FNDC3B: variants seen among roughly 807,000 people sequenced by gnomAD.
FNDC3B encodes fibronectin type III domain-containing protein 3B.
A neutral mutation model predicts 151.5 loss-of-function variants in FNDC3B; 12 were observed. The observed-to-expected ratio is 0.08, with a 90% CI of 0.05 to 0.13. The LOEUF (loss-of-function observed/expected upper bound fraction) is 0.13. FNDC3B is among the 10% of genes least tolerant of loss of function. The probability of loss-of-function intolerance (pLI) is 1.00; values close to 1 mark genes in which losing one functional copy is unlikely to be tolerated. For synonymous variants in FNDC3B, 528 were observed against 549.0 expected, an observed-to-expected ratio of 0.96 and a Z score of 0.54; for missense variants, 1,214 against 1,505.3, an observed-to-expected ratio of 0.81 and a Z score of 3.20.
rs191010132 is a variant in FNDC3B, at chr3:172,060,870, A to G, written c.-29+21099A>G. On this transcript the variant is annotated intron_variant, in intron 1 of 25. Transcript: ENST00000415807. ...ACATGTTCTAATTATAATTCTTACT[A>G]TTGGAGGCATATGGAACTTTCAATC... 1.1e-4 allele frequency among the ~76,000 whole-genome samples: 16 copies of G among 152,350 alleles called. No homozygotes were observed. The East Asian group carries it at 2.3e-3, about 22-fold the overall frequency.
At chr3:172,278,601 C>T (rs565655352) in intron 6 of FNDC3B, among the ~76,000 whole-genome samples, 1 of 152,166 alleles carries the variant, frequency 6.6e-6, no homozygotes, top group Non-Finnish European at 1.5e-5. Flanking sequence ...TGTGGGTTTG[C>T]ATCCCTGTAC....
chr3:172,231,974 G>C (rs1484317316), intron 4 of FNDC3B, among the ~76,000 whole-genome samples: 3 of 145,378 alleles, frequency 2.1e-5, no homozygotes, highest in Non-Finnish European at 3.0e-5. Context: ...TCTGCCTCCT[G>C]GGTTCAAGCA....
chr3:172,343,625 A>C (rs1047443872), intron 18 of FNDC3B, among the ~76,000 whole-genome samples: 10 of 152,222 alleles, frequency 6.6e-5, no homozygotes, highest in African/African-American at 2.4e-4. Context: ...GCAGTTTACA[A>C]CATGTATAAT....
At chr3:172,320,047 T>G (rs1023060258) in intron 11 of FNDC3B, among the ~76,000 whole-genome samples, 2 of 152,048 alleles carry the variant, frequency 1.3e-5, no homozygotes, top group Admixed American at 1.3e-4. Context: ...TCAAACCTGG[T>G]AAGAGCAGCT....
intron 11 of FNDC3B, among the ~76,000 whole-genome samples, chr3:172,319,596 G>A (rs750598429): frequency 1.2e-4 from 18 of 152,198 alleles, no homozygotes; most frequent in Non-Finnish European, 2.2e-4. Flanking sequence ...CTCTGTGCCA[G>A]AGCGTGCAAT....
chr3:172,367,097 C>A (rs1236550063), intron 23 of FNDC3B, among the ~76,000 whole-genome samples: 1 of 152,086 alleles, frequency 6.6e-6, no homozygotes, highest in African/African-American at 2.4e-5. Context: ...AGGATTCTAC[C>A]CCCCTGGGAT....
At chr3:172,285,000 C>T (rs1729936208) in intron 6 of FNDC3B, among the ~76,000 whole-genome samples, 1 of 151,954 alleles carries the variant, frequency 6.6e-6, no homozygotes, top group Non-Finnish European at 1.5e-5. Context: ...TATCACTTAT[C>T]TTTTTTTGTA....
intron 7 of FNDC3B, among the ~76,000 whole-genome samples, chr3:172,290,601 C>T (rs1269535041): frequency 3.3e-5 from 5 of 152,040 alleles, no homozygotes; most frequent in Admixed American, 1.3e-4. Flanking sequence ...TGTTTCCATC[C>T]GCGAATGTTT....
chr3:172,360,288 C>T (rs1734300069), intron 22 of FNDC3B, among the ~76,000 whole-genome samples: 1 of 152,104 alleles, frequency 6.6e-6, no homozygotes, highest in South Asian at 2.1e-4. Flanking sequence ...AGTCTTCCGC[C>T]CATTTTTAAT....
chr3:172,299,690 C>T (rs1031389014), intron 9 of FNDC3B, among the ~76,000 whole-genome samples: 8 of 151,636 alleles, frequency 5.3e-5, no homozygotes, highest in African/African-American at 1.9e-4. Flanking sequence ...AAATATACAT[C>T]TATTACTATA....
chr3:172,366,752 A>G (rs1305606136), intron 23 of FNDC3B, among the ~76,000 whole-genome samples: 3 of 152,184 alleles, frequency 2.0e-5, no homozygotes, highest in African/African-American at 4.8e-5. Context: ...TCAAATGAAC[A>G]CTTCTTAGAA....
Position 172,169,020 on chromosome 3 carries a change from C to T in FNDC3B, c.187+35474C>T, listed in dbSNP as rs571911328. On this transcript the variant is annotated intron_variant, in intron 3 of 25. Coordinates refer to ENST00000415807, the MANE Select transcript of FNDC3B (RefSeq NM_022763.4). Reference sequence around the variant, plus strand: ...GAGCCACTGTGCCCAGCTTGGCTCACTGTTGTAAGAGCTAAGCTAGATTGC... The same window carrying T: ...GAGCCACTGTGCCCAGCTTGGCTCATTGTTGTAAGAGCTAAGCTAGATTGC... 7.9e-5 allele frequency among the ~76,000 whole-genome samples: 12 copies of T among 151,478 alleles called. No individual in the cohort carries two copies. The East Asian group carries it at 2.3e-3, about 29-fold the overall frequency.
intron 1 of FNDC3B, among the ~76,000 whole-genome samples, chr3:172,093,564 A>T (rs1718953884): frequency 6.6e-6 from 1 of 151,950 alleles, no homozygotes; most frequent in Admixed American, 6.6e-5. Flanking sequence ...GGCCCCATCT[A>T]ATTTTTAAAT....
chr3:172,389,708 A>C (rs1204975833), intron 25 of FNDC3B, among the ~76,000 whole-genome samples: 2 of 152,048 alleles, frequency 1.3e-5, no homozygotes, highest in Non-Finnish European at 2.9e-5. Context: ...TACTAAAAAT[A>C]CAAAAAAAAT....
intron 2 of FNDC3B, among the ~76,000 whole-genome samples, chr3:172,113,643 C>T (rs1462887208): frequency 6.6e-6 from 1 of 152,210 alleles, no homozygotes; most frequent in Non-Finnish European, 1.5e-5. Context: ...TCAGTCTCTT[C>T]CTCTGCTGGA....
In FNDC3B at chr3:172,352,697, G is replaced by A. The variant is rs1733914455; in HGVS notation, c.2515-106G>A. The A allele has an allele frequency of 8.9e-7, 1 of 1,121,840 alleles. No homozygotes were observed. Among genetic ancestry groups the A allele is most frequent in the Admixed American group, 2.4e-5 (1 of 41,898 alleles). 69.5% of individuals were successfully genotyped at this position (1,121,840 alleles called of 1,614,324 possible). A position where few individuals can be genotyped will look rare whatever the true frequency, so the allele number is the denominator to read the frequency against. On this transcript the variant is annotated intron_variant, in intron 21 of 25. Transcript: ENST00000415807. The surrounding 1 kb of genome is among the most constrained non-coding windows in gnomAD (Gnocchi z 4.2). ...CTAGGATTTATTTCTACCTGCATAT[G>A]TGGAAATGTGTACTACTTTAGATTT...
Position 172,281,215 on chromosome 3 carries a change from ATATTTATT to A in FNDC3B, c.791-4675_791-4668del, listed in dbSNP as rs56357726. Among the ~76,000 whole-genome samples the A allele has an allele frequency of 4.4e-3, 588 of 132,496 alleles. 6 individuals are homozygous for A. Among genetic ancestry groups the A allele is most frequent in the Middle Eastern group, 7.6e-3 (2 of 262 alleles). 86.9% of individuals were successfully genotyped at this position (132,496 alleles called of 152,430 possible). The stretch of plus-strand genomic sequence containing the variant: ...CAAGAGTGCCTTATTATTATTATTT[ATATTTATT>A]TATTTATTTATTTATTTATTTATTT... On this transcript the variant is annotated intron_variant, in intron 6 of 25. Transcript: ENST00000415807.
intron 23 of FNDC3B, among the ~76,000 whole-genome samples, chr3:172,377,729 G>A (rs904294023): frequency 6.6e-6 from 1 of 152,042 alleles, no homozygotes; most frequent in Admixed American, 6.6e-5. Context: ...TGTTCTCAAC[G>A]ATCCATAATC....
rs199589869 is a variant in FNDC3B at position 172,397,504 on chromosome 3, T to C, written c.*29T>C. 6.8e-5 allele frequency: 96 copies of C among 1,408,670 alleles called. 1 individual carries two copies. In the East Asian group the frequency reaches 2.0e-3, roughly 29 times the overall value. 87.3% of individuals were successfully genotyped at this position (1,408,670 alleles called of 1,614,324 possible). ...CAACAAAACTAGAGGTATGAATTAATGCTACACATTTTAATACACACATTT... is the reference window on the plus strand; with the variant it reads ...CAACAAAACTAGAGGTATGAATTAACGCTACACATTTTAATACACACATTT... On this transcript the variant is annotated 3_prime_UTR_variant, in exon 26 of 26. Coordinates refer to ENST00000415807, the MANE Select transcript of FNDC3B (RefSeq NM_022763.4).
Sources: allele counts gnomAD v4.1 joint callset (sites outside exome capture counted in the v4.1 genomes callset), GRCh38; gene constraint gnomAD v4.1.1; non-coding constraint Gnocchi (gnomAD v3.1); transcripts MANE v1.5; gene names NCBI Gene and HGNC (gene_info 2026-07-23, HGNC 2026-07-21).